The following IKBKG variants were observed in gnomAD, a reference collection of about 807,000 sequenced individuals.
IKBKG encodes inhibitor of nuclear factor kappa B kinase regulatory subunit gamma.
A neutral mutation model predicts 13.7 loss-of-function variants in IKBKG; 2 were observed. That is an observed-to-expected ratio of 0.15 (90% CI 0.06 to 0.46). The LOEUF (loss-of-function observed/expected upper bound fraction) is 0.46. Ranked by LOEUF, IKBKG falls within the 20% of genes least tolerant of loss-of-function variation. IKBKG has a pLI of 0.98. For missense variants in IKBKG, 53 were observed against 150.3 expected, an observed-to-expected ratio of 0.35 and a Z score of 3.39; for synonymous variants, 22 against 64.4, an observed-to-expected ratio of 0.34 and a Z score of 3.15.
chrX:154,555,398 G>C (rs782270778), intron 2 of IKBKG, among the ~76,000 whole-genome samples: 12 of 111,956 alleles, frequency 1.1e-4, no homozygotes, highest in African/African-American at 1.9e-4. Flanking sequence ...AAATGAATTC[G>C]AGTCACTTAC....
chrX:154,546,599 G>A (rs1755042729), upstream of IKBKG, among the ~76,000 whole-genome samples: 1 of 110,986 alleles, frequency 9.0e-6, no homozygotes, highest in Non-Finnish European at 1.9e-5. Context: ...GACCCCGGTC[G>A]GCAAGTCCCC....
At chrX:154,550,668 G>T in intron 1 of IKBKG, among the ~76,000 whole-genome samples, 1 of 110,242 alleles carries the variant, frequency 9.1e-6, no homozygotes, top group South Asian at 3.9e-4. Flanking sequence ...AGGAGAAGGG[G>T]CTGTTCTGAA....
exon 1 of IKBKG, chrX:154,541,312 C>G (rs1276026242): frequency 9.0e-6 from 1 of 111,639 alleles, no homozygotes; most frequent in Admixed American, 9.5e-5. Flanking sequence ...GAGATTGAAC[C>G]GGCTCACCTT....
At chrX:154,554,321 G>A (rs983337511) in intron 2 of IKBKG, among the ~76,000 whole-genome samples, 8 of 112,589 alleles carry the variant, frequency 7.1e-5, no homozygotes, top group Non-Finnish European at 1.1e-4. Flanking sequence ...GGGAGCGACT[G>A]CTTATGGGGT....
upstream of IKBKG, among the ~76,000 whole-genome samples, chrX:154,544,062 C>T: frequency 9.1e-6 from 1 of 110,224 alleles, no homozygotes; most frequent in East Asian, 2.8e-4. Flanking sequence ...GGGATTTCAC[C>T]ATGTTAGCCA....
intron 1 of IKBKG, chrX:154,548,025 T>C: frequency 1.3e-6 from 1 of 754,816 alleles, no homozygotes; most frequent in African/African-American, 2.3e-5. Context: ...TTCACCAAAC[T>C]TGACTGCGCT....
chrX:154,552,311 T>A, intron 2 of IKBKG, 122 bp downstream of exon 2: 1 of 521,149 alleles, frequency 1.9e-6, no homozygotes, highest in Non-Finnish European at 3.0e-6. Context: ...TTTCAGGAAG[T>A]AGACTCTGAG....
At chrX:154,542,265 T>C in intron 1 of IKBKG, 4 of 1,126,290 alleles carry the variant, frequency 3.6e-6, no homozygotes, top group Non-Finnish European at 3.6e-6. Flanking sequence ...ATCAAGCCCA[T>C]GGCCCTTGTG....
upstream of IKBKG, chrX:154,546,795 TTCG>T (rs1557233497): frequency 8.6e-7 from 1 of 1,160,702 alleles, no homozygotes; most frequent in African/African-American, 1.8e-5. Flanking sequence ...TTACCTGCGC[TTCG>T]TCGTCGTCGC....
intron 2 of IKBKG, among the ~76,000 whole-genome samples, chrX:154,554,828 T>C (rs2071019244): frequency 8.9e-6 from 1 of 111,804 alleles, no homozygotes; most frequent in Non-Finnish European, 1.9e-5. Context: ...GGGTGGATGT[T>C]GCGCTCGTCA....
chrX:154,548,018 A>G (rs1239181163), intron 1 of IKBKG: 2 of 754,445 alleles, frequency 2.7e-6, no homozygotes, highest in Non-Finnish European at 3.1e-6. Context: ...TATTCTGTTC[A>G]CCAAACTTGA....
chrX:154,546,215 A>C, upstream of IKBKG: 1 of 1,199,940 alleles, frequency 8.3e-7, no homozygotes. Flanking sequence ...GAGCATTGAG[A>C]AGTTAGCCCC....
chrX:154,547,560 T>C (rs1557233944), upstream of IKBKG: 4 of 753,777 alleles, frequency 5.3e-6, no homozygotes, highest in Non-Finnish European at 6.3e-6. Context: ...CTCGCCGGCT[T>C]CCCGAGTTCT....
At chrX:154,549,587 T>C (rs1438069008) in intron 1 of IKBKG, among the ~76,000 whole-genome samples, 1 of 111,974 alleles carries the variant, frequency 8.9e-6, no homozygotes, top group Non-Finnish European at 1.9e-5. Flanking sequence ...GCCACCACTA[T>C]TATTTTCAAT....
chrX:154,550,587 G>T (rs1557234804), intron 1 of IKBKG, among the ~76,000 whole-genome samples: 1 of 109,315 alleles, frequency 9.1e-6, no homozygotes, highest in Non-Finnish European at 1.9e-5. Context: ...CCCTGGGGCA[G>T]CCCAACATGA....
rs919093186 is a variant in IKBKG at position 154,552,061 on chromosome X, C to T, written c.59C>T (p.Pro20Leu). Residue 20 changes from proline (P) to leucine (L), a missense_variant, in exon 2 of 10, where the codon CCG (proline) becomes CTG (leucine). By Grantham distance (98) the Pro-to-Leu change is moderately conservative. Transcript: ENST00000594239. ...GAGATGGTGCAGCCCAGTGGTGGCC[C>T]GGCAGCAGATCAGGACGTACTGGGC... ...LCEMVQPSGG[P>L]AADQDVLGEE... 9 of 1,166,159 alleles carry T rather than the reference C, an allele frequency of 7.7e-6. No individual in the cohort carries two copies. In the East Asian group the frequency reaches 9.2e-5, roughly 12 times the overall value.
At position 154,552,009 on chromosome X, in the gene IKBKG, A is replaced by C. The variant is rs57174646; in HGVS notation, c.7A>C (p.Arg3=). 6.3e-4 allele frequency: 687 copies of C among 1,082,804 alleles called. 4 individuals carry two copies. The African/African-American group carries it at 0.012, about 19-fold the overall frequency. The allele number at this position is 1,082,804 out of a possible 1,213,427, so 89.2% of individuals were successfully genotyped here. A position where few individuals can be genotyped will look rare whatever the true frequency, so the allele number is the denominator to read the frequency against. MN[R]HLWKSQLCEM... ...TCAGCCCTTGCCCTGTTGGATGAATAGGCACCTCTGGAAGAGCCAACTGTG... is the reference window on the plus strand; with the variant it reads ...TCAGCCCTTGCCCTGTTGGATGAATCGGCACCTCTGGAAGAGCCAACTGTG... Residue 3 remains arginine, a synonymous_variant, in exon 2 of 10, where the codon AGG becomes CGG. Transcript: ENST00000594239.
chrX:154,543,562 T>G (rs915605841), upstream of IKBKG, among the ~76,000 whole-genome samples: 3 of 112,380 alleles, frequency 2.7e-5, no homozygotes, highest in African/African-American at 9.7e-5. Flanking sequence ...CAGTGCCTTG[T>G]GACAGCATGG....
Position 154,552,122 on chromosome X carries a change from C to G in IKBKG, c.120C>G (p.His40Gln), listed in dbSNP as rs782167422. The stretch of plus-strand genomic sequence containing the variant: ...CTCTGGGGAAGCCAGCCATGCTGCA[C>G]CTGCCTTCAGAACAGGGCGCTCCTG... The part of the protein sequence containing the change: ...ESPLGKPAML[H>Q]LPSEQGAPET... Residue 40 changes from histidine (H) to glutamine (Q), a missense_variant, in exon 2 of 10, where the codon CAC (histidine) becomes CAG (glutamine). Transcript: ENST00000594239. 4.2e-6 allele frequency: 5 copies of G among 1,195,555 alleles called. No individual in the cohort carries two copies. The Admixed American group carries it at 1.1e-4, about 26-fold the overall frequency.
Sources: allele counts gnomAD v4.1 joint callset (sites outside exome capture counted in the v4.1 genomes callset), GRCh38; gene constraint gnomAD v4.1.1; transcripts MANE v1.5; gene names NCBI Gene and HGNC (gene_info 2026-07-23, HGNC 2026-07-21).